Variants in LSM14A observed in about 807,000 individuals in gnomAD.
LSM14A encodes LSM14A mRNA processing body assembly factor, also known as protein LSM14 homolog A.
Under a neutral mutation model 52.4 loss-of-function variants are expected in LSM14A, and 14 were observed. That is an observed-to-expected ratio of 0.27 (90% CI 0.18 to 0.42). The LOEUF is 0.42. Among genes scored for constraint, LSM14A ranks in the 10% least tolerant of loss-of-function variants. The probability of loss-of-function intolerance (pLI) is 1.00; values close to 1 mark genes in which losing one functional copy is unlikely to be tolerated. For synonymous variants in LSM14A, 185 were observed against 200.3 expected, an observed-to-expected ratio of 0.92 and a Z score of 0.64; for missense variants, 417 against 581.8, an observed-to-expected ratio of 0.72 and a Z score of 2.91.
Position 34,221,725 on chromosome 19 carries a change from A to G in LSM14A, c.1355A>G (p.Asp452Gly). 1 of 1,612,648 alleles carries G rather than the reference A, an allele frequency of 6.2e-7. No homozygotes were observed. Among genetic ancestry groups the G allele is most frequent in the South Asian group, 1.1e-5 (1 of 91,052 alleles). The change falls in exon 9 of 10, where the codon GAT becomes GGT. Residue 452 changes from aspartate to glycine, a missense_variant. Physicochemically the swap from Asp to Gly is moderately conservative, Grantham distance 94. Transcript: ENST00000544216. ...GGTCGTGGGGGCCGGGAGTTTGCGG[A>G]TTTTGAATATAGGGTAAGTGTTACT... is the stretch of plus-strand genomic sequence containing the variant. ...RGGRGGREFADFEYRKDNKVA... is the reference protein window; with the variant it reads ...RGGRGGREFAGFEYRKDNKVA...
intron 8 of LSM14A, among the ~76,000 whole-genome samples, chr19:34,220,391 C>A (rs1230622130): frequency 6.6e-6 from 1 of 152,172 alleles, no homozygotes; most frequent in Non-Finnish European, 1.5e-5. Flanking sequence ...GCAATTAAAA[C>A]AAGCATTTAG....
At chr19:34,222,026 A>C (rs1006907405) in intron 9 of LSM14A, 2 of 175,614 alleles carry the variant, frequency 1.1e-5, no homozygotes, top group Non-Finnish European at 2.2e-5. Flanking sequence ...AAGCTTTAAC[A>C]TTTAATAGCA....
chr19:34,208,239 G>A (rs1480438648), intron 3 of LSM14A: 1 of 152,162 alleles, frequency 6.6e-6, no homozygotes, highest in Non-Finnish European at 1.5e-5. Flanking sequence ...GAAGGGGGAG[G>A]TACTGTTGAA....
chr19:34,199,597 TA>T (rs1330498447), intron 3 of LSM14A, among the ~76,000 whole-genome samples: 1 of 152,104 alleles, frequency 6.6e-6, no homozygotes, highest in African/African-American at 2.4e-5. Context: ...ATGGTATGTG[TA>T]TGGACTCATT....
At chr19:34,180,860 C>G (rs542357966) in intron 1 of LSM14A, among the ~76,000 whole-genome samples, 1 of 152,296 alleles carries the variant, frequency 6.6e-6, no homozygotes, top group South Asian at 2.1e-4. Context: ...CAGTCATGGT[C>G]ACTTCCTAGC....
intron 1 of LSM14A, among the ~76,000 whole-genome samples, chr19:34,173,550 C>G (rs982724760): frequency 6.6e-6 from 1 of 152,106 alleles, no homozygotes; most frequent in African/African-American, 2.4e-5. Context: ...GGAATTCGGC[C>G]GAGAAGGAAG....
At position 34,209,061 on chromosome 19, in the gene LSM14A, C is replaced by T; in HGVS notation, c.538+10C>T. ...ACACAGTTATCTCAAGGTAAGCTAT[C>T]TCATCCCTAAAATATTTCCATTCTA... On this transcript the variant is annotated intron_variant, in intron 4 of 9. Transcript: ENST00000544216. 1 of 1,554,554 alleles carries T rather than the reference C, an allele frequency of 6.4e-7. No individual in the cohort carries two copies. The highest frequency in any genetic ancestry group is 1.2e-5 in the South Asian group (1 of 80,038).
intron 1 of LSM14A, 95 bp from the exon 2 acceptor site, chr19:34,194,383 A>T: frequency 9.0e-7 from 1 of 1,111,542 alleles, no homozygotes; most frequent in Non-Finnish European, 1.3e-6. Flanking sequence ...TTTCAGAACT[A>T]CTGCTTAGTA....
chr19:34,194,723 T>C, intron 2 of LSM14A, 82 bp downstream of exon 2: 1 of 1,234,266 alleles, frequency 8.1e-7, no homozygotes, highest in Non-Finnish European at 1.2e-6. Flanking sequence ...TAGTTGAATG[T>C]TCATGTAGCT....
chr19:34,210,370 A>C lies in LSM14A; in HGVS notation c.538+1319A>C, dbSNP rs536454114. ...CTGCAACCTCCACCTCCCAGGTTCAAGCGATTCTCCTGCCTCACCCTCCCA... is the reference window on the plus strand; with the variant it reads ...CTGCAACCTCCACCTCCCAGGTTCACGCGATTCTCCTGCCTCACCCTCCCA... On this transcript the variant is annotated intron_variant, in intron 4 of 9. Coordinates refer to ENST00000544216, the MANE Select transcript of LSM14A (RefSeq NM_015578.4). Among the ~76,000 whole-genome samples the C allele has an allele frequency of 7.9e-5, 12 of 151,198 alleles. No individual in the cohort carries two copies. The South Asian group carries it at 2.5e-3, about 32-fold the overall frequency.
At chr19:34,207,510 C>G (rs2071790652) in intron 3 of LSM14A, among the ~76,000 whole-genome samples, 1 of 151,512 alleles carries the variant, frequency 6.6e-6, no homozygotes. Flanking sequence ...GTCTAAGATA[C>G]TGTGCTGCTT....
At chr19:34,186,543 T>C (rs2069922677) in intron 1 of LSM14A, among the ~76,000 whole-genome samples, 1 of 152,200 alleles carries the variant, frequency 6.6e-6, no homozygotes, top group South Asian at 2.1e-4. Flanking sequence ...CTTAAGTCTC[T>C]TTCTGTGTTT....
At chr19:34,200,239 C>T (rs183486100) in intron 3 of LSM14A, among the ~76,000 whole-genome samples, 138 of 152,270 alleles carry the variant, frequency 9.1e-4, no homozygotes, top group Non-Finnish European at 1.9e-4. Context: ...CTGCTTTAGG[C>T]TGGCAAAGAC....
chr19:34,191,062 T>A (rs756732358), intron 1 of LSM14A, among the ~76,000 whole-genome samples: 4 of 152,192 alleles, frequency 2.6e-5, no homozygotes, highest in Non-Finnish European at 4.4e-5. Flanking sequence ...CTCTAACCTT[T>A]TTAATGCTGT....
At chr19:34,194,732 CT>C in intron 2 of LSM14A, 91 bp downstream of exon 2, 1 of 1,167,766 alleles carries the variant, frequency 8.6e-7, no homozygotes, top group Non-Finnish European at 1.3e-6. Context: ...GTTCATGTAG[CT>C]TATCATTTCC....
intron 1 of LSM14A, among the ~76,000 whole-genome samples, chr19:34,190,994 C>A (rs916305558): frequency 6.6e-6 from 1 of 151,764 alleles, no homozygotes; most frequent in Admixed American, 6.6e-5. Flanking sequence ...TTTTCTTATT[C>A]TTTTGTCTAT....
At chr19:34,182,824 A>C (rs1237922158) in intron 1 of LSM14A, among the ~76,000 whole-genome samples, 2 of 144,692 alleles carry the variant, frequency 1.4e-5, no homozygotes, top group Non-Finnish European at 3.0e-5. Context: ...AGCCTAAGCG[A>C]CAGTGAGACT....
At chr19:34,225,770 A>G (rs1271274083) in intron 9 of LSM14A, among the ~76,000 whole-genome samples, 1 of 152,208 alleles carries the variant, frequency 6.6e-6, no homozygotes, top group East Asian at 1.9e-4. Flanking sequence ...CTTAAGGGTA[A>G]TATTGTAAAT....
At position 34,203,377 on chromosome 19, in the gene LSM14A, T is replaced by C. The variant is rs564915414; in HGVS notation, c.416-5552T>C. On this transcript the variant is annotated intron_variant, in intron 3 of 9. Transcript: ENST00000544216. ...CATATTGGAGGATGGTTCTCTTAGGTCTCCAGTGTTTTGTAGAGACTAATT... is the reference window on the plus strand; with the variant it reads ...CATATTGGAGGATGGTTCTCTTAGGCCTCCAGTGTTTTGTAGAGACTAATT... 1.6e-3 allele frequency among the ~76,000 whole-genome samples: 247 copies of C among 149,778 alleles called. 1 individual carries two copies. Among genetic ancestry groups the C allele is most frequent in the African/African-American group, 5.4e-3 (222 of 41,390 alleles).
Sources: allele counts gnomAD v4.1 joint callset (sites outside exome capture counted in the v4.1 genomes callset), GRCh38; gene constraint gnomAD v4.1.1; transcripts MANE v1.5; gene names NCBI Gene and HGNC (gene_info 2026-07-23, HGNC 2026-07-21).